The following EQTN variants were observed in gnomAD, a reference collection of about 807,000 sequenced individuals.
EQTN encodes equatorin.
A neutral mutation model predicts 26.9 loss-of-function variants in EQTN; 29 were observed. That is an observed-to-expected ratio of 1.08 (90% CI 0.80 to 1.47). The LOEUF is 1.47. Ranked by LOEUF, EQTN falls within the 40% of genes most tolerant of loss-of-function variation. The pLI, the probability that EQTN is intolerant of heterozygous loss-of-function variation, is 0.00. For missense variants in EQTN, 391 were observed against 346.1 expected (o/e 1.13, Z -1.03); for synonymous variants, 129 against 120.0 (o/e 1.07, Z -0.49).
intron 7 of EQTN, among the ~76,000 whole-genome samples, chr9:27,285,720 G>A (rs1028872959): frequency 1.3e-5 from 2 of 152,116 alleles, no homozygotes; most frequent in African/African-American, 2.4e-5. Flanking sequence ...GATTTTTGAA[G>A]GTAATCTGTT....
chr9:27,296,470 G>A, intron 2 of EQTN, 143 bp downstream of exon 2: 1 of 575,246 alleles, frequency 1.7e-6, no homozygotes, highest in Non-Finnish European at 2.9e-6. Context: ...AATGGGCAAG[G>A]GTATGAACAG....
intron 5 of EQTN, among the ~76,000 whole-genome samples, chr9:27,290,680 T>G (rs947551035): frequency 6.6e-6 from 1 of 152,258 alleles, no homozygotes; most frequent in Non-Finnish European, 1.5e-5. Flanking sequence ...TGGTATACAC[T>G]TTGCATTTAT....
intron 2 of EQTN, among the ~76,000 whole-genome samples, chr9:27,296,029 G>T (rs954238460): frequency 6.6e-6 from 1 of 151,866 alleles, no homozygotes; most frequent in Non-Finnish European, 1.5e-5. Flanking sequence ...GGCCAGGTGT[G>T]GTGGCTCGCA....
At chr9:27,288,427 T>A (rs1241043836) in intron 6 of EQTN, among the ~76,000 whole-genome samples, 1 of 151,988 alleles carries the variant, frequency 6.6e-6, no homozygotes, top group Non-Finnish European at 1.5e-5. Flanking sequence ...CTTCCCACCT[T>A]GCCCTCCCAA....
At position 27,286,234 on chromosome 9, in the gene EQTN, T is replaced by C. The variant is rs1174451182; in HGVS notation, c.610A>G (p.Thr204Ala). Residue 204 changes from threonine to alanine, a missense_variant, in exon 7 of 8, where the codon ACA (threonine) becomes GCA (alanine). Thr to Ala is a moderately conservative substitution (Grantham distance 58, BLOSUM62 0). Coordinates refer to ENST00000380032, the MANE Select transcript of EQTN (RefSeq NM_020641.3). Reference protein sequence around the residue: ...FVVLLAFCSATLYKLRHLSYK... With the variant: ...FVVLLAFCSAALYKLRHLSYK... ...CTCAGATGCCTCAGTTTGTACAGTGTAGCACTACAGAATGCCAAGAGGACC... is the reference window on the plus strand; with the variant it reads ...CTCAGATGCCTCAGTTTGTACAGTGCAGCACTACAGAATGCCAAGAGGACC... The C allele has an allele frequency of 9.9e-6, 16 of 1,613,922 alleles. No individual in the cohort carries two copies. The highest frequency in any genetic ancestry group is 2.2e-5 in the East Asian group (1 of 44,894).
chr9:27,294,240 C>G, intron 3 of EQTN, 76 bp downstream of exon 3: 1 of 978,796 alleles, frequency 1.0e-6, no homozygotes, highest in Non-Finnish European at 1.6e-6. Context: ...CTTTTCTCCC[C>G]AACAGTCTCT....
chr9:27,289,709 G>T lies in EQTN; in HGVS notation c.444C>A (p.Val148=). 6.2e-7 allele frequency: 1 copy of T among 1,607,456 alleles called. No homozygotes were observed. The highest frequency in any genetic ancestry group is 1.1e-5 in the South Asian group (1 of 89,102). Residue 148 remains valine (V), a synonymous_variant, in exon 6 of 8, where the codon GTC becomes GTA. Coordinates refer to ENST00000380032, the MANE Select transcript of EQTN (RefSeq NM_020641.3). ...LAKAINGTAV[V]MDDKDQLFHP... ...GAAATAATTGATCTTTATCATCCAT[G>T]ACCACTGCTGTTCCATTTATAGCTG...
chr9:27,289,526 T>A (rs2131305963), intron 6 of EQTN, 146 bp downstream of exon 6: 1 of 540,040 alleles, frequency 1.9e-6, no homozygotes, highest in African/African-American at 1.9e-5. Flanking sequence ...TTTTTGTATT[T>A]TTTGTAGAGA....
intron 6 of EQTN, among the ~76,000 whole-genome samples, chr9:27,287,788 C>G (rs1169563775): frequency 6.6e-6 from 1 of 152,144 alleles, no homozygotes; most frequent in Non-Finnish European, 1.5e-5. Context: ...AGAAGGATCA[C>G]TCAATTTTCT....
At position 27,296,580 on chromosome 9, in the gene EQTN, G is replaced by C. The variant is rs764667303; in HGVS notation, c.202+33C>G. 1.1e-5 allele frequency: 15 copies of C among 1,347,094 alleles called. No individual in the cohort carries two copies. In the South Asian group the frequency reaches 2.0e-4, roughly 18 times the overall value. The allele number at this position is 1,347,094 out of a possible 1,614,324, so 83.4% of individuals were successfully genotyped here. ...AGTGAAACCAGGATAATCAACTTTT[G>C]CATATACATTTCTATTCACTTTAAA... On this transcript the variant is annotated intron_variant, in intron 2 of 7. Coordinates refer to ENST00000380032, the MANE Select transcript of EQTN (RefSeq NM_020641.3).
intron 3 of EQTN, among the ~76,000 whole-genome samples, chr9:27,293,865 T>C (rs1192019825): frequency 6.6e-6 from 1 of 152,152 alleles, no homozygotes; most frequent in Admixed American, 6.6e-5. Context: ...CATTCCTGAG[T>C]CTCACATTTC....
intron 2 of EQTN, among the ~76,000 whole-genome samples, chr9:27,295,831 CAA>C (rs67401588): frequency 1.1e-3 from 76 of 69,296 alleles, no homozygotes; most frequent in African/African-American, 2.7e-3. Flanking sequence ...GACTCCGTCT[CAA>C]AAAAAAAAAA....
chr9:27,288,553 A>G (rs1428240038), intron 6 of EQTN, among the ~76,000 whole-genome samples: 1 of 152,162 alleles, frequency 6.6e-6, no homozygotes, highest in Non-Finnish European at 1.5e-5. Context: ...TGTACACACA[A>G]AACCCTGCAC....
chr9:27,285,433 C>T lies in EQTN; in HGVS notation c.636-461G>A, dbSNP rs186458296. Among the ~76,000 whole-genome samples the T allele has an allele frequency of 5.3e-5, 8 of 152,248 alleles. No homozygotes were observed. In the East Asian group the frequency reaches 7.7e-4, roughly 15 times the overall value. ...CTGGGATTACAGGTGTGAGCCACCACGCCCGGCCTAGTTTTTCTTTCATTG... is the reference window on the plus strand; with the variant it reads ...CTGGGATTACAGGTGTGAGCCACCATGCCCGGCCTAGTTTTTCTTTCATTG... On this transcript the variant is annotated intron_variant, in intron 7 of 7. Coordinates refer to ENST00000380032, the MANE Select transcript of EQTN (RefSeq NM_020641.3).
Position 27,284,792 on chromosome 9 carries a change from T to G in EQTN, c.816A>C (p.Ile272=). Residue 272 remains isoleucine (I), a synonymous_variant, in exon 8 of 8, where the codon ATA becomes ATC. Transcript: ENST00000380032. ...RSGTRTSESK[I]MTDIISIGSD... ...AGCCTATGGAAATGATATCCGTCAT[T>G]ATCTTAGATTCTGATGTTCTTGTGC... 6.2e-7 allele frequency: 1 copy of G among 1,614,128 alleles called. No individual in the cohort carries two copies. The highest frequency in any genetic ancestry group is 1.1e-5 in the South Asian group (1 of 91,076).
rs753202630 is a variant in EQTN, at chr9:27,294,269, C to T, written c.289+47G>A. 4 of 1,367,618 alleles carry T rather than the reference C, an allele frequency of 2.9e-6. No homozygotes were observed. In the African/African-American group the frequency reaches 4.3e-5, roughly 15 times the overall value. 84.7% of individuals were successfully genotyped at this position (1,367,618 alleles called of 1,614,324 possible). ...AGTCTCTTATTGCTGTTTTGAAATC[C>T]TGCTTTAATGGCTTTTACATGTGCA... On this transcript the variant is annotated intron_variant, in intron 3 of 7. Coordinates refer to ENST00000380032, the MANE Select transcript of EQTN (RefSeq NM_020641.3).
chr9:27,288,605 G>A (rs1751691566), intron 6 of EQTN, among the ~76,000 whole-genome samples: 1 of 152,072 alleles, frequency 6.6e-6, no homozygotes, highest in African/African-American at 2.4e-5. Context: ...GCCAAAAATT[G>A]GAGGCAACCA....
At chr9:27,292,678 T>C (rs182383369) in intron 3 of EQTN, among the ~76,000 whole-genome samples, 191 bp from the exon 4 acceptor site, 2 of 152,306 alleles carry the variant, frequency 1.3e-5, no homozygotes, top group Admixed American at 1.3e-4. Context: ...ATAAAGTTTT[T>C]GTGATCATGG....
At chr9:27,291,886 GGTT>G (rs896105148) in intron 4 of EQTN, among the ~76,000 whole-genome samples, 1 of 152,050 alleles carries the variant, frequency 6.6e-6, no homozygotes, top group Non-Finnish European at 1.5e-5. Context: ...AGCCATCCTG[GGTT>G]GTTATGGCTC....
Sources: gnomAD v4.1 joint callset for allele counts (sites outside exome capture counted in the v4.1 genomes callset) on GRCh38, gnomAD v4.1.1 for gene constraint, MANE v1.5 for transcripts, NCBI Gene and HGNC (gene_info 2026-07-23, HGNC 2026-07-21) for gene names.